Variants in ADAM12 observed in about 807,000 individuals in gnomAD.
ADAM12 encodes the protein disintegrin and metalloproteinase domain-containing protein 12.
Under a neutral mutation model 106.4 loss-of-function variants are expected in ADAM12, and 70 were observed. The ratio of observed to expected loss-of-function variants is 0.66; its 90% confidence interval spans 0.54 to 0.80. The LOEUF (loss-of-function observed/expected upper bound fraction) is 0.80, where lower values mean the gene tolerates loss of function less well. Among genes scored for constraint, ADAM12 ranks in the 30% least tolerant of loss-of-function variants. The pLI is 0.00. For synonymous variants in ADAM12, 420 were observed against 433.5 expected (o/e 0.97, Z 0.39); for missense variants, 1,010 against 1,171.9 (o/e 0.86, Z 2.02).
At chr10:126,171,069 A>G (rs1957111483) in intron 3 of ADAM12, among the ~76,000 whole-genome samples, 1 of 151,964 alleles carries the variant, frequency 6.6e-6, no homozygotes, top group South Asian at 2.1e-4. Context: ...CTCCATATGG[A>G]CTCTCCAAGG....
chr10:126,350,168 C>T (rs916674208), intron 1 of ADAM12, among the ~76,000 whole-genome samples: 10 of 152,208 alleles, frequency 6.6e-5, no homozygotes, highest in Non-Finnish European at 1.2e-4. Flanking sequence ...TAAAACAAAG[C>T]AGCATCCACA....
intron 3 of ADAM12, among the ~76,000 whole-genome samples, chr10:126,247,604 AT>A (rs1211744178): frequency 1.1e-4 from 17 of 152,336 alleles, no homozygotes; most frequent in Admixed American, 6.5e-4. Flanking sequence ...ACCCGATGGC[AT>A]TCCACAGCCA....
At chr10:126,083,021 G>A (rs528325237) in intron 11 of ADAM12, among the ~76,000 whole-genome samples, 51 of 152,344 alleles carry the variant, frequency 3.3e-4, no homozygotes, top group Non-Finnish European at 6.0e-4. Flanking sequence ...GTAGGCCAGG[G>A]CGGTGGCATT....
chr10:126,037,569 G>A (rs1954083133), intron 20 of ADAM12, among the ~76,000 whole-genome samples: 1 of 152,082 alleles, frequency 6.6e-6, no homozygotes. Context: ...TTGGACTCTT[G>A]TTGACTAAGT....
intron 14 of ADAM12, among the ~76,000 whole-genome samples, chr10:126,061,625 A>G (rs767288304): frequency 9.9e-5 from 15 of 152,196 alleles, no homozygotes; most frequent in Non-Finnish European, 1.8e-4. Context: ...TCAGTGTCAG[A>G]GAAAGGGATG....
intron 1 of ADAM12, among the ~76,000 whole-genome samples, chr10:126,344,214 G>C (rs1855049590): frequency 6.6e-6 from 1 of 152,078 alleles, no homozygotes; most frequent in Non-Finnish European, 1.5e-5. Context: ...TGTAAGGAAG[G>C]GATCCAGTTT....
chr10:126,332,811 C>T (rs925115447), intron 1 of ADAM12, among the ~76,000 whole-genome samples: 6 of 152,196 alleles, frequency 3.9e-5, no homozygotes, highest in Admixed American at 6.5e-5. Context: ...GCACTGTTCT[C>T]GAAGCTTTGC....
chr10:126,196,082 T>C (rs1277485413), intron 3 of ADAM12, among the ~76,000 whole-genome samples: 5 of 152,200 alleles, frequency 3.3e-5, no homozygotes, highest in Non-Finnish European at 4.4e-5. Flanking sequence ...GTGGGGTAAC[T>C]GCAACAGAGA....
intron 3 of ADAM12, among the ~76,000 whole-genome samples, chr10:126,277,523 A>G (rs1018593085): frequency 6.6e-6 from 1 of 152,180 alleles, no homozygotes; most frequent in Admixed American, 6.5e-5. Context: ...TCTTCCATTG[A>G]GATATTTTCA....
chr10:126,250,599 C>T (rs1405621387), intron 3 of ADAM12, among the ~76,000 whole-genome samples: 4 of 152,122 alleles, frequency 2.6e-5, no homozygotes, highest in African/African-American at 4.8e-5. Flanking sequence ...AACAAGGAAC[C>T]GCAATGGGGA....
At chr10:126,164,535 G>A (rs1956991738) in intron 3 of ADAM12, among the ~76,000 whole-genome samples, 1 of 152,176 alleles carries the variant, frequency 6.6e-6, no homozygotes, top group Non-Finnish European at 1.5e-5. Context: ...ACTTTCATAT[G>A]TGGGACTAAG....
chr10:126,281,774 A>G (rs1959594453), intron 2 of ADAM12, among the ~76,000 whole-genome samples: 1 of 152,188 alleles, frequency 6.6e-6, no homozygotes, highest in Admixed American at 6.5e-5. Flanking sequence ...TGTGTCTTTT[A>G]TTGAATGCTT....
chr10:126,213,876 A>G (rs1399850738), intron 3 of ADAM12, among the ~76,000 whole-genome samples: 1 of 152,224 alleles, frequency 6.6e-6, no homozygotes, highest in East Asian at 1.9e-4. Flanking sequence ...CCTTCCATAG[A>G]CATAGCAAAA....
chr10:126,173,910 G>A (rs11244864), intron 3 of ADAM12, among the ~76,000 whole-genome samples: 20,531 of 151,102 alleles, frequency 0.14, 1,560 homozygotes, highest in East Asian at 0.33. Context: ...TTAATATTTG[G>A]AAATAATTTC....
chr10:126,233,726 T>C (rs1295376064), intron 3 of ADAM12, among the ~76,000 whole-genome samples: 3 of 152,146 alleles, frequency 2.0e-5, no homozygotes, highest in Non-Finnish European at 4.4e-5. Context: ...ACCAAATGTT[T>C]CTAATAAGGG....
chr10:126,042,362 A>G, intron 18 of ADAM12: 1 of 1,263,446 alleles, frequency 7.9e-7, no homozygotes, highest in Non-Finnish European at 1.1e-6. Flanking sequence ...CACGAGTTCA[A>G]GCACAGCTGC....
intron 1 of ADAM12, among the ~76,000 whole-genome samples, chr10:126,359,877 C>T (rs544167501): frequency 7.9e-5 from 12 of 152,342 alleles, no homozygotes; most frequent in Middle Eastern, 6.8e-3. Context: ...AGAGATTCTC[C>T]ATGAAGGACT....
chr10:126,251,884 C>CGGGATGGATA (rs1958777531), intron 3 of ADAM12, among the ~76,000 whole-genome samples: 19 of 14,876 alleles, frequency 1.3e-3, no homozygotes, highest in East Asian at 3.8e-3. Context: ...GGGATGGATG[C>CGGGATGGATA]AATGGATGGA....
At position 126,184,398 on chromosome 10, in the gene ADAM12, A is replaced by C. The variant is rs1281458546; in HGVS notation, c.261-29093T>G. Among the ~76,000 whole-genome samples the C allele has an allele frequency of 3.9e-5, 6 of 152,210 alleles. No homozygotes were observed. In the East Asian group the frequency reaches 1.2e-3, roughly 29 times the overall value. The stretch of plus-strand genomic sequence containing the variant: ...CCCCCAGCTCTTGAGTGTTACATAA[A>C]AGTGACCTCAAATTTTTAATATGGC... On this transcript the variant is annotated intron_variant, in intron 3 of 22. Transcript: ENST00000448723.
Sources: gnomAD v4.1 joint callset for allele counts (sites outside exome capture counted in the v4.1 genomes callset) on GRCh38, gnomAD v4.1.1 for gene constraint, MANE v1.5 for transcripts, NCBI Gene and HGNC (gene_info 2026-07-23, HGNC 2026-07-21) for gene names.